SF3B3: variants seen among roughly 807,000 people sequenced by gnomAD.
SF3B3 encodes splicing factor 3b subunit 3.
A neutral mutation model predicts 139.2 loss-of-function variants in SF3B3; 33 were observed. The ratio of observed to expected loss-of-function variants is 0.24; its 90% confidence interval spans 0.18 to 0.32. SF3B3 has a LOEUF of 0.32. Ranked by LOEUF, SF3B3 falls within the 10% of genes least tolerant of loss-of-function variation. The pLI, the probability that SF3B3 is intolerant of heterozygous loss-of-function variation, is 1.00. For missense variants in SF3B3, 818 were observed against 1,509.4 expected, an observed-to-expected ratio of 0.54 and a Z score of 7.59; for synonymous variants, 596 against 563.6, an observed-to-expected ratio of 1.06 and a Z score of -0.81.
In SF3B3 at chr16:70,568,387, CCAGCTTAT is replaced by C. The variant is rs1207139578; in HGVS notation, c.3060_3067del (p.Gln1020HisfsTer4). 6.2e-7 allele frequency: 1 copy of C among 1,613,820 alleles called. No homozygotes were observed. Among genetic ancestry groups the C allele is most frequent in the Non-Finnish European group, 8.5e-7 (1 of 1,179,784 alleles). On this transcript the variant is annotated frameshift_variant, in exon 22 of 26. Coordinates refer to ENST00000302516, the MANE Select transcript of SF3B3 (RefSeq NM_012426.5). LOFTEE classifies it high-confidence loss of function. Reference sequence around the variant, plus strand: ...GGGTTCGCTACAAGCGTAATGAAAACCAGCTTATCATCTTTGCTGATGATACCTACCCC... The same window carrying C: ...GGGTTCGCTACAAGCGTAATGAAAACCATCTTTGCTGATGATACCTACCCC...
At position 70,563,939 on chromosome 16, in the gene SF3B3, A is replaced by G; in HGVS notation, c.2352A>G (p.Thr784=). The change falls in exon 18 of 26, where the codon ACA becomes ACG. Residue 784 remains threonine (T), a synonymous_variant. Coordinates refer to ENST00000302516, the MANE Select transcript of SF3B3 (RefSeq NM_012426.5). ...FNQVAFPLQY[T]PRKFVIHPES... The stretch of plus-strand genomic sequence containing the variant: ...AAGTAGCCTTCCCACTGCAGTACAC[A>G]CCCAGGAAATTTGTCATCCACCCTG... The G allele has an allele frequency of 6.2e-7, 1 of 1,614,056 alleles. No homozygotes were observed. Among genetic ancestry groups the G allele is most frequent in the Non-Finnish European group, 8.5e-7 (1 of 1,180,008 alleles).
At chr16:70,534,421 T>C (rs2050148021) in intron 5 of SF3B3, among the ~76,000 whole-genome samples, 1 of 152,140 alleles carries the variant, frequency 6.6e-6, no homozygotes, top group East Asian at 1.9e-4. Context: ...TTTTGGCTAA[T>C]GAAATGGAGG....
At position 70,529,247 on chromosome 16, in the gene SF3B3, A is replaced by G. The variant is rs777002561; in HGVS notation, c.397+48A>G. 5.6e-5 allele frequency: 83 copies of G among 1,483,046 alleles called. No individual in the cohort carries two copies. The South Asian group carries it at 9.5e-4, about 17-fold the overall frequency. 91.9% of individuals were successfully genotyped at this position (1,483,046 alleles called of 1,614,324 possible). On this transcript the variant is annotated intron_variant, in intron 3 of 25. Transcript: ENST00000302516. ...TGTATATGCCTAGTTTAGGATAACA[A>G]TGCTGTGCTCTTGGTGGTGTGCCAG...
chr16:70,526,542 G>A, intron 1 of SF3B3, 45 bp from the exon 2 acceptor site: 1 of 679,244 alleles, frequency 1.5e-6, no homozygotes, highest in Non-Finnish European at 2.6e-6. Context: ...AATGTCTGTT[G>A]AAGTAATAGT....
At chr16:70,540,055 G>T (rs1020925829) in intron 8 of SF3B3, among the ~76,000 whole-genome samples, 1 of 150,774 alleles carries the variant, frequency 6.6e-6, no homozygotes, top group East Asian at 2.0e-4. Flanking sequence ...GATTACAGGC[G>T]TGAGCCACTG....
intron 23 of SF3B3, 136 bp from the exon 24 acceptor site, chr16:70,569,870 T>C (rs2050511747): frequency 2.1e-6 from 2 of 930,802 alleles, no homozygotes; most frequent in South Asian, 1.7e-5. Context: ...CAAGCAATCC[T>C]CCCACGTTGG....
At chr16:70,569,808 G>A in intron 23 of SF3B3, 198 bp from the exon 24 acceptor site, 3 of 557,824 alleles carry the variant, frequency 5.4e-6, no homozygotes, top group Non-Finnish European at 6.4e-6. Context: ...TTGTGGGTAT[G>A]GGTATACGAG....
At chr16:70,561,409 G>A (rs2050427824) in intron 16 of SF3B3, 1 of 495,946 alleles carries the variant, frequency 2.0e-6, no homozygotes, top group African/African-American at 1.9e-5. Flanking sequence ...AGATGAAATG[G>A]TGAGTCTAGA....
chr16:70,565,581 T>C, intron 20 of SF3B3, 57 bp downstream of exon 20: 2 of 1,522,164 alleles, frequency 1.3e-6, no homozygotes, highest in South Asian at 2.4e-5. Context: ...TCTCTCACTT[T>C]TGCTTATGTT....
chr16:70,530,314 C>CTT (rs559650893), intron 3 of SF3B3, among the ~76,000 whole-genome samples: 5 of 125,984 alleles, frequency 4.0e-5, no homozygotes, highest in Non-Finnish European at 5.0e-5. Context: ...ATTGTCTATT[C>CTT]TTTTTTTTTT....
At chr16:70,562,728 A>G (rs1164187791) in intron 17 of SF3B3, among the ~76,000 whole-genome samples, 1 of 152,246 alleles carries the variant, frequency 6.6e-6, no homozygotes, top group Non-Finnish European at 1.5e-5. Context: ...TCCTAGCAGC[A>G]GAACTTACTT....
chr16:70,530,730 C>T lies in SF3B3; in HGVS notation c.398-15C>T. On this transcript the variant is annotated splice_polypyrimidine_tract_variant and intron_variant, in intron 3 of 25. Transcript: ENST00000302516. ...TATCTGGGAATCTTGTATGTTTTAT[C>T]TCCTTCAACTACAGGTGCCATTGAG... 6.2e-7 allele frequency: 1 copy of T among 1,601,278 alleles called. No homozygotes were observed. The highest frequency in any genetic ancestry group is 8.5e-7 in the Non-Finnish European group (1 of 1,173,816).
At chr16:70,560,799 A>G (rs1219668438) in intron 16 of SF3B3, among the ~76,000 whole-genome samples, 1 of 152,178 alleles carries the variant, frequency 6.6e-6, no homozygotes, top group Admixed American at 6.5e-5. Context: ...ATAGCTGGGT[A>G]GAGATATCGA....
chr16:70,556,824 G>T, intron 14 of SF3B3, 62 bp from the exon 15 acceptor site: 2 of 1,575,306 alleles, frequency 1.3e-6, no homozygotes, highest in Non-Finnish European at 1.7e-6. Flanking sequence ...GATTTCTCTG[G>T]GTATGTTTTT....
chr16:70,556,413 A>G, intron 14 of SF3B3, 79 bp downstream of exon 14: 1 of 1,482,882 alleles, frequency 6.7e-7, no homozygotes, highest in South Asian at 1.2e-5. Flanking sequence ...TCTGAGATCC[A>G]CTCCTGATGT....
intron 7 of SF3B3, 152 bp from the exon 8 acceptor site, chr16:70,538,952 A>G (rs2050193991): frequency 1.6e-6 from 1 of 641,646 alleles, no homozygotes; most frequent in Admixed American, 2.4e-5. Context: ...ACAGCCAGTA[A>G]TGATTGGCAT....
At position 70,538,331 on chromosome 16, in the gene SF3B3, G is replaced by C. The variant is rs2050187796; in HGVS notation, c.834G>C (p.Leu278=). ...RCPIPRRRND[L]DDPERGMIFV... ...GTTTTTGACTTTGCTAGAATGACCT[G>C]GATGACCCTGAAAGAGGAATGATTT... The change falls in exon 7 of 26, where the codon CTG becomes CTC. Residue 278 remains leucine, a synonymous_variant. Transcript: ENST00000302516. The C allele has an allele frequency of 5.6e-6, 9 of 1,613,804 alleles. No individual in the cohort carries two copies. Among genetic ancestry groups the C allele is most frequent in the Non-Finnish European group, 7.6e-6 (9 of 1,179,782 alleles).
rs2050289260 is a variant in SF3B3, at chr16:70,548,411, C to T, written c.1371C>T (p.Asn457=). 5.6e-6 allele frequency: 9 copies of T among 1,613,902 alleles called. No individual in the cohort carries two copies. The highest frequency in any genetic ancestry group is 2.2e-5 in the East Asian group (1 of 44,890). ...MAVSELPGNP[N]AVWTVRRHIE... ...TTTCTGAGCTACCTGGTAACCCCAA[C>T]GCTGTCTGGACAGTGCGTCGACACA... The change falls in exon 11 of 26, where the codon AAC becomes AAT. Residue 457 remains asparagine (N), a synonymous_variant. Coordinates refer to ENST00000302516, the MANE Select transcript of SF3B3 (RefSeq NM_012426.5).
At chr16:70,556,393 G>T in intron 14 of SF3B3, 59 bp downstream of exon 14, 1 of 1,583,730 alleles carries the variant, frequency 6.3e-7, no homozygotes, top group Non-Finnish European at 8.7e-7. Flanking sequence ...TCTGGCTCCT[G>T]ATGTCTATCT....
Sources: allele counts gnomAD v4.1 joint callset (sites outside exome capture counted in the v4.1 genomes callset), GRCh38; gene constraint gnomAD v4.1.1; transcripts MANE v1.5; gene names NCBI Gene and HGNC (gene_info 2026-07-23, HGNC 2026-07-21).